DEPDC1B: variants seen among roughly 807,000 people sequenced by gnomAD.
DEPDC1B encodes DEP domain-containing protein 1B.
DEPDC1B carries 51 observed loss-of-function variants against 66.5 expected under a neutral mutation model. The observed-to-expected ratio is 0.77, with a 90% CI of 0.61 to 0.97. The LOEUF (loss-of-function observed/expected upper bound fraction) is 0.97. Among genes scored for constraint, DEPDC1B ranks in the 50% least tolerant of loss-of-function variants. The pLI, the probability that DEPDC1B is intolerant of heterozygous loss-of-function variation, is 0.00. For missense variants in DEPDC1B, 552 were observed against 637.1 expected (o/e 0.87, Z 1.44); for synonymous variants, 226 against 223.6 (o/e 1.01, Z -0.10).
chr5:60,687,203 GA>G lies in DEPDC1B; in HGVS notation c.72del (p.Arg25ValfsTer33). On this transcript the variant is annotated frameshift_variant, in exon 2 of 11. Transcript: ENST00000265036. LOFTEE classifies it high-confidence loss of function. ...TGTTTCCGTAACGGCATCTTAGCAC[GA>G]AAAAGCTCCACGGTCTCATTCCACT... ...TRLWNETVEL[F>X]RAKMPLRKHR... The G allele has an allele frequency of 6.2e-7, 1 of 1,611,852 alleles. No individual in the cohort carries two copies. The highest frequency in any genetic ancestry group is 8.5e-7 in the Non-Finnish European group (1 of 1,178,256).
At chr5:60,667,178 T>A (rs981040176) in intron 2 of DEPDC1B, among the ~76,000 whole-genome samples, 1 of 152,100 alleles carries the variant, frequency 6.6e-6, no homozygotes, top group Non-Finnish European at 1.5e-5. Flanking sequence ...CTTTGAGTAA[T>A]GAAGGGACTT....
intron 7 of DEPDC1B, among the ~76,000 whole-genome samples, chr5:60,609,903 C>A (rs1431691888): frequency 6.6e-6 from 1 of 152,072 alleles, no homozygotes; most frequent in African/African-American, 2.4e-5. Context: ...AATTGGTATG[C>A]CCAATTCCAT....
chr5:60,651,056 A>C (rs1054208741), intron 2 of DEPDC1B, among the ~76,000 whole-genome samples: 1 of 152,214 alleles, frequency 6.6e-6, no homozygotes, highest in Non-Finnish European at 1.5e-5. Context: ...TACCTAAGCA[A>C]CAGGAAGAGG....
chr5:60,649,828 G>A lies in DEPDC1B; in HGVS notation c.315-2295C>T, dbSNP rs113427624. On this transcript the variant is annotated intron_variant, in intron 2 of 10. Coordinates refer to ENST00000265036, the MANE Select transcript of DEPDC1B (RefSeq NM_018369.3). Reference sequence around the variant, plus strand: ...ACATTAAAGAAGAACTAAATTGATAGCTATATTATGCTGGTGAATAAGATT... The same window carrying A: ...ACATTAAAGAAGAACTAAATTGATAACTATATTATGCTGGTGAATAAGATT... 1.2e-3 allele frequency among the ~76,000 whole-genome samples: 188 copies of A among 152,062 alleles called. 2 individuals are homozygous for A. The highest frequency in any genetic ancestry group is 4.5e-3 in the African/African-American group (187 of 41,510).
At chr5:60,649,565 T>C (rs1438561128) in intron 2 of DEPDC1B, among the ~76,000 whole-genome samples, 4 of 152,184 alleles carry the variant, frequency 2.6e-5, no homozygotes, top group East Asian at 1.9e-4. Flanking sequence ...ATTTTAATAA[T>C]GTAATATTTC....
intron 7 of DEPDC1B, among the ~76,000 whole-genome samples, chr5:60,618,415 A>G (rs1319354747): frequency 6.6e-6 from 1 of 152,224 alleles, no homozygotes; most frequent in African/African-American, 2.4e-5. Flanking sequence ...AAGAAAAGAG[A>G]GAAGAATCAA....
chr5:60,686,606 A>G (rs72755166), intron 2 of DEPDC1B, among the ~76,000 whole-genome samples: 16,007 of 152,194 alleles, frequency 0.11, 883 homozygotes, highest in Middle Eastern at 0.13. Flanking sequence ...GAATATACCA[A>G]TCCCCATTGC....
chr5:60,687,383 C>CT (rs1211103646), intron 1 of DEPDC1B, among the ~76,000 whole-genome samples, 156 bp from the exon 2 acceptor site: 2 of 151,952 alleles, frequency 1.3e-5, no homozygotes, highest in Non-Finnish European at 2.9e-5. Context: ...GCTTCAAACT[C>CT]TAATAAAGAA....
At chr5:60,680,219 T>A (rs111369878) in intron 2 of DEPDC1B, among the ~76,000 whole-genome samples, 1 of 152,334 alleles carries the variant, frequency 6.6e-6, no homozygotes, top group Non-Finnish European at 1.5e-5. Flanking sequence ...AATCTAAAAT[T>A]GTTTTCACCA....
At chr5:60,639,792 A>G (rs143330250) in intron 6 of DEPDC1B, among the ~76,000 whole-genome samples, 247 of 152,324 alleles carry the variant, frequency 1.6e-3, no homozygotes, top group African/African-American at 5.6e-3. Context: ...CATGAGGAAC[A>G]GTGTAGCCAG....
rs369337236 is a variant in DEPDC1B, at chr5:60,687,188, A to G, written c.88T>C (p.Leu30=). Residue 30 remains leucine (L), a synonymous_variant, in exon 2 of 11, where the codon TTA becomes CTA. Coordinates refer to ENST00000265036, the MANE Select transcript of DEPDC1B (RefSeq NM_018369.3). The stretch of plus-strand genomic sequence containing the variant: ...TTGAAACGACAGCGATGTTTCCGTA[A>G]CGGCATCTTAGCACGAAAAAGCTCC... ...TVELFRAKMP[L]RKHRCRFKSY... 3.7e-6 allele frequency: 6 copies of G among 1,613,450 alleles called. No homozygotes were observed. The African/African-American group carries it at 8.0e-5, about 22-fold the overall frequency.
chr5:60,642,975 A>G (rs1014273489), intron 5 of DEPDC1B, 116 bp from the exon 6 acceptor site: 3 of 699,278 alleles, frequency 4.3e-6, no homozygotes, highest in Non-Finnish European at 7.2e-6. Context: ...TCTGCTAATC[A>G]CAAATCACCA....
chr5:60,628,633 C>T (rs1752853940), intron 7 of DEPDC1B: 1 of 152,176 alleles, frequency 6.6e-6, no homozygotes, highest in African/African-American at 2.4e-5. Flanking sequence ...GGAACTATTT[C>T]TCCAGAGATT....
chr5:60,677,326 A>ACACACACACTCTCT lies in DEPDC1B; in HGVS notation c.314+9635_314+9636insAGAGAGTGTGTGTG, dbSNP rs770640655. The stretch of plus-strand genomic sequence containing the variant: ...CACACACACACACACACACACACAC[A>ACACACACACTCTCT]CTCTCTCTCTCTCTCTCTCTCTCTC... On this transcript the variant is annotated intron_variant, in intron 2 of 10. Coordinates refer to ENST00000265036, the MANE Select transcript of DEPDC1B (RefSeq NM_018369.3). Among the ~76,000 whole-genome samples, 48 of 108,558 alleles carry ACACACACACTCTCT rather than the reference A, an allele frequency of 4.4e-4. 1 individual carries two copies. Among genetic ancestry groups the ACACACACACTCTCT allele is most frequent in the African/African-American group, 1.8e-3 (45 of 25,300 alleles). 71.2% of individuals were successfully genotyped at this position (108,558 alleles called of 152,430 possible).
intron 2 of DEPDC1B, among the ~76,000 whole-genome samples, chr5:60,650,108 C>T (rs1358397712): frequency 6.6e-6 from 1 of 151,978 alleles, no homozygotes; most frequent in Non-Finnish European, 1.5e-5. Context: ...CCCAGCTACT[C>T]GGGAAGCTGA....
intron 7 of DEPDC1B, among the ~76,000 whole-genome samples, chr5:60,612,766 T>G (rs1034104724): frequency 6.6e-6 from 1 of 150,972 alleles, no homozygotes; most frequent in Non-Finnish European, 1.5e-5. Flanking sequence ...AACTGGAGAT[T>G]GTTAGAAAAT....
intron 2 of DEPDC1B, among the ~76,000 whole-genome samples, chr5:60,657,618 C>T (rs1753607659): frequency 6.6e-6 from 1 of 152,182 alleles, no homozygotes; most frequent in Non-Finnish European, 1.5e-5. Context: ...AAAGATAGGA[C>T]CCCAATCCCT....
chr5:60,663,566 A>G (rs1175761958), intron 2 of DEPDC1B, among the ~76,000 whole-genome samples: 1 of 152,114 alleles, frequency 6.6e-6, no homozygotes, highest in Non-Finnish European at 1.5e-5. Flanking sequence ...TCTGACTCTC[A>G]ATTCTTATTT....
intron 7 of DEPDC1B, among the ~76,000 whole-genome samples, chr5:60,627,778 C>T (rs1352298250): frequency 6.6e-6 from 1 of 152,034 alleles, no homozygotes; most frequent in African/African-American, 2.4e-5. Flanking sequence ...TTAACTAATA[C>T]ATTATGCCAA....
Sources: gnomAD v4.1 joint callset for allele counts (sites outside exome capture counted in the v4.1 genomes callset) on GRCh38, gnomAD v4.1.1 for gene constraint, MANE v1.5 for transcripts, NCBI Gene and HGNC (gene_info 2026-07-23, HGNC 2026-07-21) for gene names.